BMF: variants seen among roughly 807,000 people sequenced by gnomAD.
BMF encodes the protein Bcl2 modifying factor.
In BMF, 10 loss-of-function variants were observed where a neutral mutation model predicts 22.0. That is an observed-to-expected ratio of 0.45 (90% CI 0.28 to 0.77). The LOEUF (loss-of-function observed/expected upper bound fraction) is 0.77, where lower values mean the gene tolerates loss of function less well. Among genes scored for constraint, BMF ranks in the 30% least tolerant of loss-of-function variants. The pLI, the probability that BMF is intolerant of heterozygous loss-of-function variation, is 0.13. For missense variants in BMF, 206 were observed against 226.8 expected (o/e 0.91, Z 0.59); for synonymous variants, 87 against 88.1 (o/e 0.99, Z 0.07).
At position 40,090,437 on chromosome 15, in the gene BMF, T is replaced by C. The variant is rs1435089941; in HGVS notation, c.*1350A>G. On this transcript the variant is annotated 3_prime_UTR_variant, in exon 5 of 5. Coordinates refer to ENST00000354670, the MANE Select transcript of BMF (RefSeq NM_001003940.2). ...TTTCTCACATATGCAAAAGTTATAATTTAGTTTCTAGCGTCTGGTTAACAG... is the reference window on the plus strand; with the variant it reads ...TTTCTCACATATGCAAAAGTTATAACTTAGTTTCTAGCGTCTGGTTAACAG... 2.0e-5 allele frequency: 3 copies of C among 152,678 alleles called. No individual in the cohort carries two copies. Among genetic ancestry groups the C allele is most frequent in the Non-Finnish European group, 4.4e-5 (3 of 68,050 alleles). The allele number at this position is 152,678 out of a possible 1,614,324, so 9.5% of individuals were successfully genotyped here.
Position 40,104,482 on chromosome 15 carries a change from C to T in BMF, c.293-142G>A. The T allele has an allele frequency of 4.6e-6, 5 of 1,081,604 alleles. No individual in the cohort carries two copies. The South Asian group carries it at 7.7e-5, about 17-fold the overall frequency. The allele number at this position is 1,081,604 out of a possible 1,614,324, so 67.0% of individuals were successfully genotyped here. On this transcript the variant is annotated intron_variant, in intron 3 of 4. Coordinates refer to ENST00000354670, the MANE Select transcript of BMF (RefSeq NM_001003940.2). ...AGGAGCCAGCCTGCCTCTATTGGAG[C>T]ACTCTGCCAAGCTTGGACAGCCTGC...
rs1224297181 is a variant in BMF at position 40,091,663 on chromosome 15, A to G, written c.*124T>C. On this transcript the variant is annotated 3_prime_UTR_variant, in exon 5 of 5. Coordinates refer to ENST00000354670, the MANE Select transcript of BMF (RefSeq NM_001003940.2). ...TATGTACACTCAGAGAGAAATTAAA[A>G]AAAATTAAAACACAAAATAACAACA... is the stretch of plus-strand genomic sequence containing the variant. The G allele has an allele frequency of 1.3e-6, 1 of 759,610 alleles. No individual in the cohort carries two copies. The highest frequency in any genetic ancestry group is 1.8e-5 in the African/African-American group (1 of 56,382). 47.1% of individuals were successfully genotyped at this position (759,610 alleles called of 1,614,324 possible).
chr15:40,104,155 T>C, intron 4 of BMF, 25 bp downstream of exon 4: 1 of 1,612,754 alleles, frequency 6.2e-7, no homozygotes, highest in Non-Finnish European at 8.5e-7. Flanking sequence ...GACTCAACCC[T>C]CCTCCCCTAA....
intron 4 of BMF, among the ~76,000 whole-genome samples, chr15:40,102,513 G>A (rs771806390): frequency 5.3e-5 from 8 of 151,856 alleles, no homozygotes; most frequent in Non-Finnish European, 1.0e-4. Context: ...CCCCAGGACT[G>A]TATCCTAGTC....
intron 4 of BMF, among the ~76,000 whole-genome samples, chr15:40,100,583 C>T (rs2141030081): frequency 6.6e-6 from 1 of 152,318 alleles, no homozygotes. Flanking sequence ...GGCGGAGCAC[C>T]CTGCTAACTC....
chr15:40,104,232 G>A lies in BMF; in HGVS notation c.401C>T (p.Ala134Val). ...GTCTGCAATGCACTGAAGCTTTCGG[G>A]CAATCTGTACCTCTGCTTGATGTTG... Reference protein sequence around the residue: ...QWQHQAEVQIARKLQCIADQF... With the variant: ...QWQHQAEVQIVRKLQCIADQF... The change falls in exon 4 of 5, where the codon GCC becomes GTC. Residue 134 changes from alanine to valine, a missense_variant. Ala to Val is a moderately conservative substitution (Grantham distance 64, BLOSUM62 0). Transcript: ENST00000354670. The A allele has an allele frequency of 6.2e-7, 1 of 1,614,224 alleles. No individual in the cohort carries two copies. Among genetic ancestry groups the A allele is most frequent in the South Asian group, 1.1e-5 (1 of 91,088 alleles).
rs3743129 is a variant in BMF, at chr15:40,091,578, A to C, written c.*209T>G. 0.45 allele frequency: 237,329 copies of C among 523,910 alleles called. 55,350 individuals are homozygous for C. Among genetic ancestry groups the C allele is most frequent in the East Asian group, 0.69 (23,141 of 33,708 alleles). 32.5% of individuals were successfully genotyped at this position (523,910 alleles called of 1,614,324 possible). On this transcript the variant is annotated 3_prime_UTR_variant, in exon 5 of 5. Coordinates refer to ENST00000354670, the MANE Select transcript of BMF (RefSeq NM_001003940.2). ...GCCTCTCCTTCAACAGTGTTTGACA[A>C]AGGCCCCCATTCCAGGTCAAGGGCC...
intron 4 of BMF, among the ~76,000 whole-genome samples, chr15:40,100,868 G>GT (rs1315503694): frequency 2.0e-5 from 3 of 152,170 alleles, no homozygotes; most frequent in Non-Finnish European, 4.4e-5. Flanking sequence ...AAAAAAACGA[G>GT]TAACTCAGGT....
At position 40,089,414 on chromosome 15, in the gene BMF, G is replaced by A. The variant is rs2140983861; in HGVS notation, c.*2373C>T. 6.6e-6 allele frequency: 1 copy of A among 152,396 alleles called. No homozygotes were observed. The highest frequency in any genetic ancestry group is 2.1e-4 in the South Asian group (1 of 4,826). 9.4% of individuals were successfully genotyped at this position (152,396 alleles called of 1,614,324 possible). The stretch of plus-strand genomic sequence containing the variant: ...GGGAAGAAGGGAGAGGGAAACGTGA[G>A]GGGTGTAAATTTTGCCCTGGCTCAC... On this transcript the variant is annotated 3_prime_UTR_variant, in exon 5 of 5. Coordinates refer to ENST00000354670, the MANE Select transcript of BMF (RefSeq NM_001003940.2).
intron 4 of BMF, among the ~76,000 whole-genome samples, chr15:40,099,780 C>CA (rs747996690): frequency 0.4 from 25,611 of 63,404 alleles, 4,484 homozygotes; most frequent in Non-Finnish European, 0.51. Flanking sequence ...GCTGTCTCAC[C>CA]AAAAAAAAAA....
At chr15:40,103,967 A>C (rs984925757) in intron 4 of BMF, among the ~76,000 whole-genome samples, 1 of 152,224 alleles carries the variant, frequency 6.6e-6, no homozygotes, top group African/African-American at 2.4e-5. Context: ...ATGAATTGAG[A>C]CTGGGCAGTT....
intron 3 of BMF, among the ~76,000 whole-genome samples, chr15:40,104,699 T>C (rs2036548594): frequency 6.6e-6 from 1 of 152,222 alleles, no homozygotes; most frequent in African/African-American, 2.4e-5. Context: ...GTTGAAGCTC[T>C]TCTCTGGAAA....
chr15:40,091,636 T>G lies in BMF; in HGVS notation c.*151A>C, dbSNP rs2036232449. 1 of 628,598 alleles carries G rather than the reference T, an allele frequency of 1.6e-6. No homozygotes were observed. Among genetic ancestry groups the G allele is most frequent in the Non-Finnish European group, 2.8e-6 (1 of 356,784 alleles). 38.9% of individuals were successfully genotyped at this position (628,598 alleles called of 1,614,324 possible). A position where few individuals can be genotyped will look rare whatever the true frequency, so the allele number is the denominator to read the frequency against. On this transcript the variant is annotated 3_prime_UTR_variant, in exon 5 of 5. Transcript: ENST00000354670. ...GAAAGAAGGTCCCGCTTGAGTATGT[T>G]GTATGTACACTCAGAGAGAAATTAA...
At chr15:40,097,202 AGCTACCAAGCACCCAACTG>A (rs1354431737) in intron 4 of BMF, among the ~76,000 whole-genome samples, 3 of 150,750 alleles carry the variant, frequency 2.0e-5, no homozygotes, top group Non-Finnish European at 4.4e-5. Context: ...CACCCAACTG[AGCTACCAAGCACCCAACTG>A]AGCTACCAAG....
At chr15:40,102,827 T>C (rs868271647) in intron 4 of BMF, among the ~76,000 whole-genome samples, 3 of 152,114 alleles carry the variant, frequency 2.0e-5, no homozygotes, top group South Asian at 2.1e-4. Flanking sequence ...AGTCCACACA[T>C]GGACTGAAGG....
chr15:40,105,042 C>CGCCAGAACTGCTTT (rs893954587), intron 3 of BMF, among the ~76,000 whole-genome samples: 3 of 152,264 alleles, frequency 2.0e-5, no homozygotes, highest in African/African-American at 4.8e-5. Flanking sequence ...CTCAGACTCC[C>CGCCAGAACTGCTTT]GCCAGAACTG....
chr15:40,101,578 G>A (rs1304915864), intron 4 of BMF, among the ~76,000 whole-genome samples: 1 of 152,172 alleles, frequency 6.6e-6, no homozygotes, highest in Non-Finnish European at 1.5e-5. Flanking sequence ...AAGAATGGAG[G>A]AGTGACAACA....
At chr15:40,093,079 A>G (rs952912119) in intron 4 of BMF, among the ~76,000 whole-genome samples, 1 of 152,202 alleles carries the variant, frequency 6.6e-6, no homozygotes, top group Non-Finnish European at 1.5e-5. Flanking sequence ...AGAGGAAGCC[A>G]GCGGCACAGC....
intron 4 of BMF, among the ~76,000 whole-genome samples, chr15:40,097,193 ACCCAACTGAGCTACCAAGC>A (rs2036380999): frequency 6.6e-6 from 1 of 151,172 alleles, no homozygotes; most frequent in Non-Finnish European, 1.5e-5. Context: ...GCTACCAAGC[ACCCAACTGAGCTACCAAGC>A]ACCCAACTGA....
Sources: allele counts gnomAD v4.1 joint callset (sites outside exome capture counted in the v4.1 genomes callset), GRCh38; gene constraint gnomAD v4.1.1; transcripts MANE v1.5; gene names NCBI Gene and HGNC (gene_info 2026-07-23, HGNC 2026-07-21).